Variants in MAGI2 observed in about 807,000 individuals in gnomAD.
The protein encoded by MAGI2 is membrane-associated guanylate kinase, WW and PDZ domain-containing protein 2.
In MAGI2, 35 loss-of-function variants were observed where a neutral mutation model predicts 133.3. That is an observed-to-expected ratio of 0.26 (90% CI 0.20 to 0.35). The LOEUF (loss-of-function observed/expected upper bound fraction) is 0.35, where lower values mean the gene tolerates loss of function less well. Ranked by LOEUF, MAGI2 falls within the 10% of genes least tolerant of loss-of-function variation. The pLI, the probability that MAGI2 is intolerant of heterozygous loss-of-function variation, is 1.00. For missense variants in MAGI2, 1,636 were observed against 1,863.4 expected (o/e 0.88, Z 2.25); for synonymous variants, 729 against 710.6 (o/e 1.03, Z -0.41).
chr7:79,056,059 G>T (rs1562839513), intron 1 of MAGI2, among the ~76,000 whole-genome samples: 1 of 152,156 alleles, frequency 6.6e-6, no homozygotes, highest in South Asian at 2.1e-4. Context: ...AAGTTTTAAA[G>T]AATACAACCT....
chr7:78,780,113 G>A (rs374783545), intron 2 of MAGI2, among the ~76,000 whole-genome samples: 24 of 152,300 alleles, frequency 1.6e-4, no homozygotes, highest in East Asian at 3.9e-4. Flanking sequence ...AAAAGAATGC[G>A]TGTTATGACA....
intron 2 of MAGI2, among the ~76,000 whole-genome samples, chr7:78,973,929 G>A (rs1014784293): frequency 5.9e-5 from 9 of 151,718 alleles, no homozygotes; most frequent in Middle Eastern, 3.4e-3. Flanking sequence ...GTGTTGCTGC[G>A]TTTGGCTTGT....
intron 1 of MAGI2, among the ~76,000 whole-genome samples, chr7:79,009,352 T>G (rs1405052007): frequency 6.6e-6 from 1 of 152,122 alleles, no homozygotes; most frequent in African/African-American, 2.4e-5. Context: ...CTGTCGAAAC[T>G]TTTAAGAATC....
At chr7:78,921,530 T>C (rs994891571) in intron 2 of MAGI2, among the ~76,000 whole-genome samples, 1 of 152,076 alleles carries the variant, frequency 6.6e-6, no homozygotes, top group African/African-American at 2.4e-5. Context: ...AATGCTTCAA[T>C]CAATAAAATG....
At chr7:78,081,880 T>G (rs548687766) in intron 20 of MAGI2, among the ~76,000 whole-genome samples, 43 of 152,188 alleles carry the variant, frequency 2.8e-4, no homozygotes, top group African/African-American at 9.6e-4. Flanking sequence ...AGTGAGACAT[T>G]AGGAGGCTGT....
intron 1 of MAGI2, among the ~76,000 whole-genome samples, chr7:79,302,530 A>G (rs546236339): frequency 1.6e-4 from 24 of 152,262 alleles, no homozygotes; most frequent in African/African-American, 5.8e-4. Flanking sequence ...GTGTGTGTAT[A>G]TATTTAAAGT....
At chr7:78,471,105 G>A (rs1188848907) in intron 6 of MAGI2, among the ~76,000 whole-genome samples, 3 of 152,062 alleles carry the variant, frequency 2.0e-5, no homozygotes, top group African/African-American at 4.8e-5. Flanking sequence ...TGTTAGAAGT[G>A]AATATTTTTT....
At chr7:78,902,557 T>C (rs1353432329) in intron 2 of MAGI2, 1 of 152,212 alleles carries the variant, frequency 6.6e-6, no homozygotes, top group Non-Finnish European at 1.5e-5. Context: ...GCCATTCACA[T>C]GAATTTAGAA....
intron 1 of MAGI2, among the ~76,000 whole-genome samples, chr7:79,020,353 T>C (rs1372120614): frequency 6.6e-6 from 1 of 152,164 alleles, no homozygotes; most frequent in East Asian, 1.9e-4. Context: ...GAAATGGAAG[T>C]TATGTTTAAA....
At chr7:79,226,487 C>T (rs1156351081) in intron 1 of MAGI2, among the ~76,000 whole-genome samples, 4 of 152,092 alleles carry the variant, frequency 2.6e-5, no homozygotes, top group African/African-American at 9.7e-5. Context: ...AGCATAAAAA[C>T]TGGCTTCTAA....
intron 6 of MAGI2, among the ~76,000 whole-genome samples, chr7:78,380,553 G>A (rs555665797): frequency 1.3e-5 from 2 of 152,110 alleles, no homozygotes; most frequent in South Asian, 4.2e-4. Flanking sequence ...TGAAACAACC[G>A]AACTCATGAA....
intron 21 of MAGI2, among the ~76,000 whole-genome samples, chr7:78,043,914 A>C (rs994610081): frequency 5.9e-5 from 9 of 152,246 alleles, no homozygotes; most frequent in Admixed American, 6.5e-5. Flanking sequence ...CTTTCACCTA[A>C]AGCAAATGCA....
chr7:79,000,781 A>C (rs1409428905), intron 2 of MAGI2, among the ~76,000 whole-genome samples: 1 of 152,206 alleles, frequency 6.6e-6, no homozygotes, highest in African/African-American at 2.4e-5. Flanking sequence ...AGTGTGTTTT[A>C]GTTTTACTAA....
intron 1 of MAGI2, among the ~76,000 whole-genome samples, chr7:79,244,704 A>G (rs1426486126): frequency 1.3e-5 from 2 of 152,280 alleles, no homozygotes; most frequent in Admixed American, 6.5e-5. Context: ...TTCTTAGACA[A>G]GTACTGGTGA....
chr7:78,791,007 T>C (rs761228939), intron 2 of MAGI2, among the ~76,000 whole-genome samples: 2 of 152,114 alleles, frequency 1.3e-5, no homozygotes, highest in Non-Finnish European at 2.9e-5. Context: ...ACAAGAAGAT[T>C]AAATGAAATA....
chr7:79,064,389 G>T (rs1814096797), intron 1 of MAGI2, among the ~76,000 whole-genome samples: 1 of 152,170 alleles, frequency 6.6e-6, no homozygotes, highest in South Asian at 2.1e-4. Flanking sequence ...TCAATGACTT[G>T]CATAAGACCA....
intron 21 of MAGI2, among the ~76,000 whole-genome samples, chr7:78,041,802 A>T (rs764975444): frequency 1.3e-5 from 2 of 152,206 alleles, no homozygotes; most frequent in South Asian, 4.1e-4. Flanking sequence ...CTGAGTGAAT[A>T]GTTCATTGAA....
chr7:78,618,502 G>A (rs1807350509), intron 3 of MAGI2: 1 of 151,928 alleles, frequency 6.6e-6, no homozygotes, highest in Non-Finnish European at 1.5e-5. Context: ...GTTTGTTAAA[G>A]CAGTAGGGAG....
chr7:78,736,186 C>T (rs1371000463), intron 2 of MAGI2, among the ~76,000 whole-genome samples: 5 of 152,116 alleles, frequency 3.3e-5, no homozygotes, highest in African/African-American at 1.2e-4. Context: ...AATTGGTACT[C>T]TAAATACACT....
Sources: gnomAD v4.1 joint callset for allele counts (sites outside exome capture counted in the v4.1 genomes callset) on GRCh38, gnomAD v4.1.1 for gene constraint, MANE v1.5 for transcripts, NCBI Gene and HGNC (gene_info 2026-07-23, HGNC 2026-07-21) for gene names.